Variants in THAP6 observed in about 807,000 individuals in gnomAD.
THAP6 encodes the protein THAP domain containing 6.
Under a neutral mutation model 20.0 loss-of-function variants are expected in THAP6, and 13 were observed. The observed-to-expected ratio is 0.65, with a 90% CI of 0.42 to 1.03. THAP6 has a LOEUF of 1.03. THAP6 is among the 50% of genes least tolerant of loss of function. THAP6 has a pLI of 0.00. For missense variants in THAP6, 262 were observed against 261.6 expected, an observed-to-expected ratio of 1.00 and a Z score of -0.01; for synonymous variants, 93 against 92.2, an observed-to-expected ratio of 1.01 and a Z score of -0.05.
Position 75,529,667 on chromosome 4 carries a change from C to A in THAP6, c.*2453C>A, listed in dbSNP as rs1438628285. On this transcript the variant is annotated 3_prime_UTR_variant, in exon 5 of 5. Transcript: ENST00000311638. ...CTGTGTAAAGCAAAACCCAAGTCAT[C>A]CCCCTCCAGAAATTTCTCTGGCAGC... is the stretch of plus-strand genomic sequence containing the variant. 1.0e-6 allele frequency: 1 copy of A among 985,304 alleles called. No individual in the cohort carries two copies. Among genetic ancestry groups the A allele is most frequent in the Non-Finnish European group, 1.2e-6 (1 of 829,944 alleles). The allele number at this position is 985,304 out of a possible 1,614,324, so 61.0% of individuals were successfully genotyped here.
chr4:75,533,767 T>G (rs566421786), downstream of THAP6, among the ~76,000 whole-genome samples: 3 of 145,064 alleles, frequency 2.1e-5, no homozygotes, highest in Admixed American at 2.0e-4. Flanking sequence ...TTTTTCAAAT[T>G]TTTTTTTATT....
downstream of THAP6, among the ~76,000 whole-genome samples, chr4:75,532,665 C>T (rs533724918): frequency 9.8e-5 from 15 of 152,374 alleles, no homozygotes; most frequent in South Asian, 1.7e-3. Context: ...CATTTCCATA[C>T]ATCTGAAATT....
At chr4:75,515,364 C>A (rs1578254888) in intron 1 of THAP6, 69 bp from the exon 2 acceptor site, 1 of 1,446,122 alleles carries the variant, frequency 6.9e-7, no homozygotes, top group East Asian at 2.3e-5. Flanking sequence ...TCCTAAAACA[C>A]CGGGAAAGGG....
chr4:75,516,456 A>G (rs1454318741), intron 2 of THAP6, among the ~76,000 whole-genome samples: 6 of 152,248 alleles, frequency 3.9e-5, no homozygotes, highest in South Asian at 4.1e-4. Context: ...TAATTCTTTT[A>G]TCATCTATAG....
exon 3 of THAP6, chr4:75,542,458 C>T (rs35304407): frequency 0.079 from 55,756 of 701,420 alleles, 2,605 homozygotes; most frequent in African/African-American, 0.11. Context: ...AATTATTTCT[C>T]AGTAACCATC....
chr4:75,527,970 A>G lies in THAP6; in HGVS notation c.*756A>G, dbSNP rs567732905. ...GATCTGAACACTTTGCTTCATGACT[A>G]TTTCGTCATAAAGGTATATGTTTAA... On this transcript the variant is annotated 3_prime_UTR_variant, in exon 5 of 5. Coordinates refer to ENST00000311638, the MANE Select transcript of THAP6 (RefSeq NM_144721.6). 5.1e-6 allele frequency: 5 copies of G among 985,394 alleles called. No individual in the cohort carries two copies. The highest frequency in any genetic ancestry group is 6.1e-5 in the Admixed American group (1 of 16,292). 61.0% of individuals were successfully genotyped at this position (985,394 alleles called of 1,614,324 possible).
At chr4:75,524,557 A>T (rs2148817683) in intron 4 of THAP6, among the ~76,000 whole-genome samples, 2 of 152,230 alleles carry the variant, frequency 1.3e-5, no homozygotes, top group South Asian at 4.2e-4. Flanking sequence ...AGATATTTTC[A>T]CTAGGTAATC....
At chr4:75,533,680 G>A (rs1272833793), downstream of THAP6, among the ~76,000 whole-genome samples, 2 of 152,190 alleles carry the variant, frequency 1.3e-5, no homozygotes, top group East Asian at 1.9e-4. Flanking sequence ...GCAAGGAGGA[G>A]CAAGTCACAT....
At chr4:75,541,106 T>C (rs573911780) in intron 2 of THAP6, among the ~76,000 whole-genome samples, 7 of 152,308 alleles carry the variant, frequency 4.6e-5, no homozygotes, top group African/African-American at 1.7e-4. Context: ...GTATTCTATA[T>C]ATTAAAACTA....
upstream of THAP6, chr4:75,514,151 C>T: frequency 6.3e-7 from 1 of 1,583,164 alleles, no homozygotes. Context: ...CGCCCCAGCC[C>T]AACCTGACGG....
chr4:75,516,171 ATATC>A (rs1473605541), intron 2 of THAP6, among the ~76,000 whole-genome samples: 1 of 152,236 alleles, frequency 6.6e-6, no homozygotes, highest in African/African-American at 2.4e-5. Context: ...CTGAGCATAT[ATATC>A]CTACCTTATT....
chr4:75,536,925 T>C (rs1230734088), intron 2 of THAP6, among the ~76,000 whole-genome samples: 11 of 152,150 alleles, frequency 7.2e-5, no homozygotes, highest in Non-Finnish European at 1.2e-4. Context: ...GGGGTAATAA[T>C]AGACAAAATC....
Position 75,527,493 on chromosome 4 carries a change from A to G in THAP6, c.*279A>G. 8.3e-7 allele frequency: 1 copy of G among 1,209,062 alleles called. No individual in the cohort carries two copies. The highest frequency in any genetic ancestry group is 2.5e-5 in the South Asian group (1 of 40,332). The allele number at this position is 1,209,062 out of a possible 1,614,324, so 74.9% of individuals were successfully genotyped here. ...AATCTCAAGAAAATTTCACAGAGCTAAAGAAATGATGTCAAATTAGTCACA... is the reference window on the plus strand; with the variant it reads ...AATCTCAAGAAAATTTCACAGAGCTGAAGAAATGATGTCAAATTAGTCACA... On this transcript the variant is annotated 3_prime_UTR_variant, in exon 5 of 5. Coordinates refer to ENST00000311638, the MANE Select transcript of THAP6 (RefSeq NM_144721.6).
rs1726512441 is a variant in THAP6 at position 75,528,466 on chromosome 4, T to G, written c.*1252T>G. ...GAAGTCCATGTTGTAGCAGTTAGAA[T>G]TTGAGTATCAGCCATTTCATTGTAG... On this transcript the variant is annotated 3_prime_UTR_variant, in exon 5 of 5. Coordinates refer to ENST00000311638, the MANE Select transcript of THAP6 (RefSeq NM_144721.6). 9 of 985,280 alleles carry G rather than the reference T, an allele frequency of 9.1e-6. No individual in the cohort carries two copies. The highest frequency in any genetic ancestry group is 1.7e-5 in the African/African-American group (1 of 57,248). The allele number at this position is 985,280 out of a possible 1,614,324, so 61.0% of individuals were successfully genotyped here. A position where few individuals can be genotyped will look rare whatever the true frequency, so the allele number is the denominator to read the frequency against.
At chr4:75,514,235 GC>G (rs1560536343), upstream of THAP6, 1 of 1,612,806 alleles carries the variant, frequency 6.2e-7, no homozygotes, top group East Asian at 2.2e-5. Flanking sequence ...TCGCAGCCCC[GC>G]TGACCTCGCT....
Position 75,527,145 on chromosome 4 carries a change from A to G in THAP6, c.600A>G (p.Thr200=), listed in dbSNP as rs1398356584. ...ATGAATGTCTGATCAGCCAAGAAAC[A>G]GCAAATAGACTGGACACTTTCTGTT... is the stretch of plus-strand genomic sequence containing the variant. ...LKDECLISQE[T]ANRLDTFCWD... Residue 200 remains threonine (T), a synonymous_variant, in exon 5 of 5, where the codon ACA becomes ACG. Coordinates refer to ENST00000311638, the MANE Select transcript of THAP6 (RefSeq NM_144721.6). 2 of 1,614,082 alleles carry G rather than the reference A, an allele frequency of 1.2e-6. No homozygotes were observed. The highest frequency in any genetic ancestry group is 1.7e-6 in the Non-Finnish European group (2 of 1,180,016).
chr4:75,544,127 A>T (rs1727071995), intron 3 of THAP6, among the ~76,000 whole-genome samples: 1 of 152,162 alleles, frequency 6.6e-6, no homozygotes, highest in Non-Finnish European at 1.5e-5. Context: ...AAAAGTAGAG[A>T]GTATAATATA....
At chr4:75,520,523 T>C (rs996944663) in intron 3 of THAP6, among the ~76,000 whole-genome samples, 1 of 152,224 alleles carries the variant, frequency 6.6e-6, no homozygotes, top group Admixed American at 6.5e-5. Context: ...GACCATATAG[T>C]AGTTGATCCT....
At chr4:75,515,396 C>T (rs953941902) in intron 1 of THAP6, 37 bp from the exon 2 acceptor site, 2 of 1,570,376 alleles carry the variant, frequency 1.3e-6, no homozygotes, top group Non-Finnish European at 1.8e-6. Flanking sequence ...CTTCAGCTTT[C>T]CGGTTACTAA....
Sources: gnomAD v4.1 joint callset for allele counts (sites outside exome capture counted in the v4.1 genomes callset) on GRCh38, gnomAD v4.1.1 for gene constraint, MANE v1.5 for transcripts, NCBI Gene and HGNC (gene_info 2026-07-23, HGNC 2026-07-21) for gene names.